Variants in HNRNPUL2 observed in about 807,000 individuals in gnomAD.
HNRNPUL2 encodes heterogeneous nuclear ribonucleoprotein U-like protein 2.
HNRNPUL2 carries 27 observed loss-of-function variants against 102.2 expected under a neutral mutation model. The observed-to-expected ratio is 0.26, with a 90% confidence interval of 0.19 to 0.36. The LOEUF is 0.36. Among genes scored for constraint, HNRNPUL2 ranks in the 10% least tolerant of loss-of-function variants. HNRNPUL2 has a pLI of 1.00. For synonymous variants in HNRNPUL2, 458 were observed against 387.2 expected, an observed-to-expected ratio of 1.18 and a Z score of -2.15; for missense variants, 936 against 981.1, an observed-to-expected ratio of 0.95 and a Z score of 0.61.
chr11:62,724,253 C>G (rs750144932), intron 2 of HNRNPUL2, 38 bp downstream of exon 2: 3 of 1,612,828 alleles, frequency 1.9e-6, no homozygotes, highest in Non-Finnish European at 1.7e-6. Context: ...AAAATCAGAG[C>G]AGACACTCCC....
chr11:62,720,863 C>CAAAAAAAAAAAAA (rs10615770), intron 9 of HNRNPUL2, among the ~76,000 whole-genome samples: 1 of 77,278 alleles, frequency 1.3e-5, no homozygotes, highest in Non-Finnish European at 2.4e-5. Flanking sequence ...GACTCGGTCT[C>CAAAAAAAAAAAAA]AAAAAAAAAA....
At chr11:62,719,572 T>C (rs780397385) in intron 10 of HNRNPUL2, among the ~76,000 whole-genome samples, 1 of 152,250 alleles carries the variant, frequency 6.6e-6, no homozygotes, top group African/African-American at 2.4e-5. Context: ...ATTTTAGATG[T>C]AGAGTGTCAC....
Position 62,723,960 on chromosome 11 carries a change from C to T in HNRNPUL2, c.705G>A (p.Glu235=), listed in dbSNP as rs200778018. 2.2e-4 allele frequency: 357 copies of T among 1,613,952 alleles called. No homozygotes were observed. Among genetic ancestry groups the T allele is most frequent in the Non-Finnish European group, 2.9e-4 (347 of 1,179,958 alleles). The part of the protein sequence containing the change: ...RSKSPLPPEE[E]AKDEEEDQTL... ...TTTGATCCTCCTCCTCATCTTTTGC[C>T]TCTTCTTCAGGAGGCAGTGGAGACT... Residue 235 remains glutamate, a synonymous_variant, in exon 3 of 14, where the codon GAG becomes GAA. Transcript: ENST00000301785.
chr11:62,724,446 A>C lies in HNRNPUL2; in HGVS notation c.539-20T>G, dbSNP rs1301240721. Reference sequence around the variant, plus strand: ...CATCTCCTACAAAAACGAGGGAAAGAAAATCAGCAGTTTTCATACTGGAGT... The same window carrying C: ...CATCTCCTACAAAAACGAGGGAAAGCAAATCAGCAGTTTTCATACTGGAGT... On this transcript the variant is annotated intron_variant, in intron 1 of 13. Transcript: ENST00000301785. 7 of 1,614,030 alleles carry C rather than the reference A, an allele frequency of 4.3e-6. No individual in the cohort carries two copies. Among genetic ancestry groups the C allele is most frequent in the Non-Finnish European group, 5.9e-6 (7 of 1,179,998 alleles).
At chr11:62,723,892 A>C in intron 3 of HNRNPUL2, 22 bp downstream of exon 3, 1 of 1,609,552 alleles carries the variant, frequency 6.2e-7, no homozygotes, top group Admixed American at 1.7e-5. Flanking sequence ...TAAAAACCAC[A>C]GTCTGTCTGC....
intron 1 of HNRNPUL2, 102 bp from the exon 2 acceptor site, chr11:62,724,528 C>G: frequency 7.7e-7 from 1 of 1,294,468 alleles, no homozygotes; most frequent in South Asian, 1.3e-5. Flanking sequence ...TCTGTCTGAT[C>G]AAAACAGCCA....
chr11:62,720,621 T>C (rs1281837330), intron 9 of HNRNPUL2, among the ~76,000 whole-genome samples: 2 of 150,538 alleles, frequency 1.3e-5, no homozygotes, highest in East Asian at 1.9e-4. Flanking sequence ...TCCCAGCACT[T>C]TGGGAGGCTG....
Position 62,727,296 on chromosome 11 carries a change from G to A in HNRNPUL2, c.-140C>T. 3 of 1,097,688 alleles carry A rather than the reference G, an allele frequency of 2.7e-6. No individual in the cohort carries two copies. The highest frequency in any genetic ancestry group is 1.6e-5 in the African/African-American group (1 of 60,724). 68.0% of individuals were successfully genotyped at this position (1,097,688 alleles called of 1,614,324 possible). On this transcript the variant is annotated 5_prime_UTR_variant, in exon 1 of 14. Coordinates refer to ENST00000301785, the MANE Select transcript of HNRNPUL2 (RefSeq NM_001079559.3). Reference sequence around the variant, plus strand: ...AGCCCGCGCGAGCGAGCGCACGCACGCAGGAGCGGAGGCCGCGCACGGTCC... The same window carrying A: ...AGCCCGCGCGAGCGAGCGCACGCACACAGGAGCGGAGGCCGCGCACGGTCC...
chr11:62,726,115 G>A (rs1004447073), intron 1 of HNRNPUL2, among the ~76,000 whole-genome samples: 1 of 152,200 alleles, frequency 6.6e-6, no homozygotes, highest in African/African-American at 2.4e-5. Context: ...AGAGGAGCAA[G>A]GTTGGATTTT....
At chr11:62,726,396 C>T (rs2134785236) in intron 1 of HNRNPUL2, among the ~76,000 whole-genome samples, 1 of 152,352 alleles carries the variant, frequency 6.6e-6, no homozygotes, top group South Asian at 2.1e-4. Flanking sequence ...CATCCACTAT[C>T]ACCAAGGAAC....
chr11:62,725,450 T>C (rs2083738049), intron 1 of HNRNPUL2, among the ~76,000 whole-genome samples: 1 of 152,216 alleles, frequency 6.6e-6, no homozygotes, highest in Admixed American at 6.5e-5. Context: ...TCCACCCGCC[T>C]GGCCTCCCAA....
At position 62,726,709 on chromosome 11, in the gene HNRNPUL2, C is replaced by A. The variant is rs767774670; in HGVS notation, c.448G>T (p.Gly150Cys). 1 of 1,600,632 alleles carries A rather than the reference C, an allele frequency of 6.2e-7. No individual in the cohort carries two copies. The highest frequency in any genetic ancestry group is 8.5e-7 in the Non-Finnish European group (1 of 1,179,560). ...GVNGGEEQGL[G>C]KREEDEPEER... Reference sequence around the variant, plus strand: ...TCGGGTTCGTCTTCCTCCCTCTTGCCGAGGCCCTGCTCTTCGCCACCATTT... The same window carrying A: ...TCGGGTTCGTCTTCCTCCCTCTTGCAGAGGCCCTGCTCTTCGCCACCATTT... Residue 150 changes from glycine (G) to cysteine (C), a missense_variant, in exon 1 of 14, where the codon GGC becomes TGC. This residue lies in a region of HNRNPUL2 where 327 missense variants were observed against 268.1 expected (regional missense o/e 1.22). Transcript: ENST00000301785.
Position 62,726,721 on chromosome 11 carries a change from C to T in HNRNPUL2, c.436G>A (p.Glu146Lys). 1 of 1,601,048 alleles carries T rather than the reference C, an allele frequency of 6.2e-7. No individual in the cohort carries two copies. The highest frequency in any genetic ancestry group is 1.1e-5 in the South Asian group (1 of 91,048). ...TCCTCCCTCTTGCCGAGGCCCTGCT[C>T]TTCGCCACCATTTACCCCGCCTGAC... ...AGSGGVNGGE[E>K]QGLGKREEDE... The change falls in exon 1 of 14, where the codon GAG becomes AAG. Residue 146 changes from glutamate to lysine, a missense_variant. This residue lies in a region of HNRNPUL2 where 327 missense variants were observed against 268.1 expected (regional missense o/e 1.22). Transcript: ENST00000301785.
At position 62,714,342 on chromosome 11, in the gene HNRNPUL2, A is replaced by G. The variant is rs1184154319; in HGVS notation, c.*957T>C. 3 of 152,186 alleles carry G rather than the reference A, an allele frequency of 2.0e-5. No homozygotes were observed. In the East Asian group the frequency reaches 5.8e-4, roughly 29 times the overall value. The allele number at this position is 152,186 out of a possible 1,614,324, so 9.4% of individuals were successfully genotyped here. On this transcript the variant is annotated 3_prime_UTR_variant, in exon 14 of 14. Coordinates refer to ENST00000301785, the MANE Select transcript of HNRNPUL2 (RefSeq NM_001079559.3). ...TCCTGCTGTGTTTTCGTGTGAGCTG[A>G]AACCCTGAGAAACGTTCCTTCTCTC...
intron 10 of HNRNPUL2, among the ~76,000 whole-genome samples, chr11:62,717,762 C>T (rs1324465782): frequency 6.6e-6 from 1 of 152,146 alleles, no homozygotes; most frequent in African/African-American, 2.4e-5. Flanking sequence ...AGGCTGAGTG[C>T]CACTGCACTC....
rs776962901 is a variant in HNRNPUL2, at chr11:62,720,283, C to T, written c.1612-92G>A. 114 of 1,237,632 alleles carry T rather than the reference C, an allele frequency of 9.2e-5. 1 individual carries two copies. The highest frequency in any genetic ancestry group is 1.2e-4 in the Non-Finnish European group (105 of 862,030). 76.7% of individuals were successfully genotyped at this position (1,237,632 alleles called of 1,614,324 possible). On this transcript the variant is annotated intron_variant, in intron 9 of 13. Transcript: ENST00000301785. ...AGTATCAGCTGGGCACGGTGGCTCA[C>T]GCCTGTAATCCTAGCACTTTGGGAG...
At chr11:62,720,300 C>T (rs1321841963) in intron 9 of HNRNPUL2, 109 bp from the exon 10 acceptor site, 2 of 1,011,472 alleles carry the variant, frequency 2.0e-6, no homozygotes, top group African/African-American at 1.6e-5. Context: ...AATCCTAGCA[C>T]TTTGGGAGGC....
chr11:62,718,499 G>A (rs1268655746), intron 10 of HNRNPUL2, among the ~76,000 whole-genome samples: 3 of 151,764 alleles, frequency 2.0e-5, no homozygotes, highest in Non-Finnish European at 4.4e-5. Context: ...TCAGGAGTTC[G>A]AGACCAGCCT....
Position 62,721,905 on chromosome 11 carries a change from G to A in HNRNPUL2, c.1397C>T (p.Thr466Ile). 1 of 1,614,082 alleles carries A rather than the reference G, an allele frequency of 6.2e-7. No individual in the cohort carries two copies. Among genetic ancestry groups the A allele is most frequent in the Non-Finnish European group, 8.5e-7 (1 of 1,179,964 alleles). ...LMVGLPGSGKTQWALKYAKEN... is the reference protein window; with the variant it reads ...LMVGLPGSGKIQWALKYAKEN... Reference sequence around the variant, plus strand: ...TTTTGCATATTTCAGTGCCCACTGGGTCTTTCCAGATCCGGGTAGTCCCAC... The same window carrying A: ...TTTTGCATATTTCAGTGCCCACTGGATCTTTCCAGATCCGGGTAGTCCCAC... Residue 466 changes from threonine to isoleucine, a missense_variant, in exon 8 of 14, where the codon ACC becomes ATC. Physicochemically the swap from Thr to Ile is moderately conservative, Grantham distance 89 (BLOSUM62 -1). Coordinates refer to ENST00000301785, the MANE Select transcript of HNRNPUL2 (RefSeq NM_001079559.3).
Sources: gnomAD v4.1 joint callset for allele counts (sites outside exome capture counted in the v4.1 genomes callset) on GRCh38, gnomAD v4.1.1 for gene constraint, gnomAD v4.1.1 regional missense constraint, MANE v1.5 for transcripts, NCBI Gene and HGNC (gene_info 2026-07-23, HGNC 2026-07-21) for gene names.